LRPPRC: variants seen among roughly 807,000 people sequenced by gnomAD.
LRPPRC encodes the protein leucine rich pentatricopeptide repeat containing.
In LRPPRC, 120 loss-of-function variants were observed where a neutral mutation model predicts 180.3. That is an observed-to-expected ratio of 0.67 (90% CI 0.57 to 0.77). The LOEUF (loss-of-function observed/expected upper bound fraction) is 0.77, where lower values mean the gene tolerates loss of function less well. Ranked by LOEUF, LRPPRC falls within the 30% of genes least tolerant of loss-of-function variation. LRPPRC has a pLI of 0.00. For missense variants in LRPPRC, 2,012 were observed against 1,657.2 expected (o/e 1.21, Z -3.72); for synonymous variants, 723 against 600.0 (o/e 1.21, Z -3.00).
chr2:43,932,887 A>G (rs927111851), intron 25 of LRPPRC, among the ~76,000 whole-genome samples: 8 of 152,146 alleles, frequency 5.3e-5, no homozygotes, highest in African/African-American at 1.9e-4. Flanking sequence ...TTACTACACA[A>G]AGACAGGCAC....
At position 43,933,050 on chromosome 2, in the gene LRPPRC, T is replaced by C. The variant is rs974299553; in HGVS notation, c.2736+1140A>G. Among the ~76,000 whole-genome samples, 9 of 152,192 alleles carry C rather than the reference T, an allele frequency of 5.9e-5. No homozygotes were observed. In the South Asian group the frequency reaches 1.9e-3, roughly 31 times the overall value. ...GATTCACTGTACTTTCAGAAGCGAA[T>C]GTGGAAGAAAAATTATACCATTTTC... On this transcript the variant is annotated intron_variant, in intron 25 of 37. Coordinates refer to ENST00000260665, the MANE Select transcript of LRPPRC (RefSeq NM_133259.4).
In LRPPRC at chr2:43,886,415, TATTTC is replaced by T. The variant is rs1235438562; in HGVS notation, c.*2180_*2184del. The stretch of plus-strand genomic sequence containing the variant: ...CTGCTAAATTGTTTATATTTCTACT[TATTTC>T]AATTTAGCTATTAGATATTTAGAAC... On this transcript the variant is annotated 3_prime_UTR_variant, in exon 38 of 38. Transcript: ENST00000260665. 6.6e-6 allele frequency: 1 copy of T among 152,214 alleles called. No individual in the cohort carries two copies. Among genetic ancestry groups the T allele is most frequent in the Non-Finnish European group, 1.5e-5 (1 of 68,044 alleles). The allele number at this position is 152,214 out of a possible 1,614,324, so 9.4% of individuals were successfully genotyped here.
intron 36 of LRPPRC, chr2:43,890,272 G>C: frequency 9.0e-6 from 4 of 445,032 alleles, no homozygotes. Context: ...GATAATCCAG[G>C]AACTGTTGTG....
intron 24 of LRPPRC, 63 bp from the exon 25 acceptor site, chr2:43,934,359 T>C (rs1672197785): frequency 2.6e-6 from 2 of 767,716 alleles, no homozygotes; most frequent in South Asian, 1.6e-5. Flanking sequence ...AACAGTATCA[T>C]ATGAAGTTCC....
At chr2:43,959,825 A>C (rs928653903) in intron 13 of LRPPRC, among the ~76,000 whole-genome samples, 2 of 152,198 alleles carry the variant, frequency 1.3e-5, no homozygotes, top group African/African-American at 4.8e-5. Context: ...CAGAGGATGC[A>C]GTGAGTCAAG....
rs1206454694 is a variant in LRPPRC at position 43,961,439 on chromosome 2, A to C, written c.1489-805T>G. On this transcript the variant is annotated intron_variant, in intron 12 of 37. Coordinates refer to ENST00000260665, the MANE Select transcript of LRPPRC (RefSeq NM_133259.4). ...TGGATAATAGGAACAGTATAATAAG[A>C]GTTGCTCGATAATATGAACAGTATA... Among the ~76,000 whole-genome samples the C allele has an allele frequency of 1.3e-5, 2 of 152,174 alleles. 1 individual carries two copies. Among genetic ancestry groups the C allele is most frequent in the South Asian group, 4.1e-4 (2 of 4,828 alleles).
intron 25 of LRPPRC, among the ~76,000 whole-genome samples, chr2:43,932,203 C>T (rs1672117971): frequency 6.9e-6 from 1 of 145,926 alleles, no homozygotes; most frequent in African/African-American, 2.6e-5. Flanking sequence ...ACATGTATGC[C>T]AATTCATCTT....
In LRPPRC at chr2:43,974,302, AG is replaced by A; in HGVS notation, c.1010-8del. The A allele has an allele frequency of 6.2e-7, 1 of 1,602,764 alleles. No individual in the cohort carries two copies. Among genetic ancestry groups the A allele is most frequent in the Non-Finnish European group, 8.5e-7 (1 of 1,169,628 alleles). Reference sequence around the variant, plus strand: ...AAAATGAGGTTCATTGCATCTGGGAAGAAAACAAAGACATCTTTTGTTAATA... The same window carrying A: ...AAAATGAGGTTCATTGCATCTGGGAAAAAACAAAGACATCTTTTGTTAATA... On this transcript the variant is annotated splice_polypyrimidine_tract_variant and splice_region_variant and intron_variant, in intron 8 of 37. Transcript: ENST00000260665.
chr2:43,906,989 T>C (rs1049763543), intron 30 of LRPPRC, among the ~76,000 whole-genome samples: 2 of 152,188 alleles, frequency 1.3e-5, no homozygotes, highest in Admixed American at 1.3e-4. Flanking sequence ...CACAAAGGAT[T>C]TACTTTCTCA....
rs551751285 is a variant in LRPPRC, at chr2:43,963,005, T to C, written c.1488+583A>G. 7.9e-5 allele frequency among the ~76,000 whole-genome samples: 12 copies of C among 152,296 alleles called. No homozygotes were observed. The South Asian group carries it at 2.5e-3, about 32-fold the overall frequency. On this transcript the variant is annotated intron_variant, in intron 12 of 37. Coordinates refer to ENST00000260665, the MANE Select transcript of LRPPRC (RefSeq NM_133259.4). ...TTGCAGGGGCATTTCAGGATGGGAT[T>C]AGGAGTTAATATTGTTTTAATTTTT... is the stretch of plus-strand genomic sequence containing the variant.
At chr2:43,905,544 G>A in intron 31 of LRPPRC, 148 bp downstream of exon 31, 3 of 715,066 alleles carry the variant, frequency 4.2e-6, no homozygotes, top group East Asian at 2.6e-5. Context: ...TGCATGTACA[G>A]TAATTTATGT....
intron 12 of LRPPRC, among the ~76,000 whole-genome samples, chr2:43,962,292 T>C (rs950643076): frequency 6.6e-6 from 1 of 152,194 alleles, no homozygotes; most frequent in African/African-American, 2.4e-5. Context: ...GTAAAATATG[T>C]ATAGTACAGG....
At chr2:43,899,432 C>T in intron 33 of LRPPRC, 34 bp downstream of exon 33, 1 of 1,613,562 alleles carries the variant, frequency 6.2e-7, no homozygotes, top group South Asian at 1.1e-5. Context: ...AGAAAATGTG[C>T]TTGTGTGTTC....
chr2:43,901,309 C>T lies in LRPPRC; in HGVS notation c.3569+11G>A, dbSNP rs761093284. 11 of 1,608,870 alleles carry T rather than the reference C, an allele frequency of 6.8e-6. No homozygotes were observed. The African/African-American group carries it at 1.5e-4, about 22-fold the overall frequency. On this transcript the variant is annotated intron_variant, in intron 32 of 37. Transcript: ENST00000260665. ...GACCAATGAAGGAAAAGAAGGCTTG[C>T]AAATACTCACTTCTTTATTTGAGCC...
chr2:43,946,341 G>A (rs939369696), intron 20 of LRPPRC, 98 bp from the exon 21 acceptor site: 20 of 884,162 alleles, frequency 2.3e-5, no homozygotes, highest in Non-Finnish European at 3.5e-5. Context: ...AAAGTTAATA[G>A]TACTTTAAAA....
At chr2:43,905,099 C>G (rs1671025367) in intron 31 of LRPPRC, among the ~76,000 whole-genome samples, 1 of 152,166 alleles carries the variant, frequency 6.6e-6, no homozygotes, top group Non-Finnish European at 1.5e-5. Context: ...GTGTCATTCT[C>G]TTAACATTAA....
chr2:43,894,678 G>A (rs752557186), intron 35 of LRPPRC, 49 bp from the exon 36 acceptor site: 2 of 873,422 alleles, frequency 2.3e-6, no homozygotes, highest in Non-Finnish European at 4.0e-6. Flanking sequence ...AATTAACAGT[G>A]AATTAGAACA....
At chr2:43,963,983 C>A (rs1274409726) in intron 11 of LRPPRC, among the ~76,000 whole-genome samples, 1 of 152,162 alleles carries the variant, frequency 6.6e-6, no homozygotes, top group African/African-American at 2.4e-5. Context: ...ATGTGCCCAA[C>A]ATTTCTGGCA....
intron 12 of LRPPRC, among the ~76,000 whole-genome samples, chr2:43,960,966 T>G (rs945842326): frequency 6.6e-6 from 1 of 152,208 alleles, no homozygotes; most frequent in Admixed American, 6.5e-5. Flanking sequence ...GCATACAGTT[T>G]GGCCAGGATC....
Sources: gnomAD v4.1 joint callset for allele counts (sites outside exome capture counted in the v4.1 genomes callset) on GRCh38, gnomAD v4.1.1 for gene constraint, MANE v1.5 for transcripts, NCBI Gene and HGNC (gene_info 2026-07-23, HGNC 2026-07-21) for gene names.